Variants in DAAM1 observed in about 807,000 individuals in gnomAD.
The protein encoded by DAAM1 is disheveled-associated activator of morphogenesis 1.
In DAAM1, 52 loss-of-function variants were observed where a neutral mutation model predicts 130.0. That is an observed-to-expected ratio of 0.40 (90% CI 0.32 to 0.50). The LOEUF is 0.50. Ranked by LOEUF, DAAM1 falls within the 20% of genes least tolerant of loss-of-function variation. The pLI is 0.61. For missense variants in DAAM1, 1,134 were observed against 1,303.8 expected, an observed-to-expected ratio of 0.87 and a Z score of 2.01; for synonymous variants, 452 against 444.5, an observed-to-expected ratio of 1.02 and a Z score of -0.21.
chr14:59,280,611 C>T (rs1161542915), intron 2 of DAAM1, among the ~76,000 whole-genome samples: 3 of 115,492 alleles, frequency 2.6e-5, no homozygotes, highest in African/African-American at 1.0e-4. Flanking sequence ...ATGAATAGAA[C>T]AAATTGAGTT....
rs1043388344 is a variant in DAAM1 at position 59,352,507 on chromosome 14, A to G, written c.2161-19A>G. 8 of 1,588,192 alleles carry G rather than the reference A, an allele frequency of 5.0e-6. No individual in the cohort carries two copies. Among genetic ancestry groups the G allele is most frequent in the African/African-American group, 1.3e-5 (1 of 74,206 alleles). On this transcript the variant is annotated intron_variant, in intron 17 of 24. Transcript: ENST00000360909. ...TTAAGTGATAAACCTCAGTTTTAAT[A>G]TTCGTGTGTACTTTTCAGCTCTTGA...
chr14:59,202,127 C>T (rs944037573), intron 1 of DAAM1, among the ~76,000 whole-genome samples: 6 of 152,188 alleles, frequency 3.9e-5, no homozygotes, highest in African/African-American at 1.4e-4. Context: ...CTTTTCTTAG[C>T]CTTCCTTCTA....
intron 1 of DAAM1, 109 bp from the exon 2 acceptor site, chr14:59,263,332 G>A (rs919003738): frequency 1.4e-5 from 12 of 874,038 alleles, no homozygotes; most frequent in Admixed American, 4.8e-5. Flanking sequence ...CCTGCAGGGC[G>A]CACACAGTGT....
chr14:59,363,861 C>CG, intron 23 of DAAM1, 79 bp downstream of exon 23: 6 of 1,567,688 alleles, frequency 3.8e-6, no homozygotes, highest in Non-Finnish European at 4.3e-6. Flanking sequence ...TTATTCTGTA[C>CG]GGGAAATAGC....
At chr14:59,266,965 G>A (rs1315534851) in intron 2 of DAAM1, among the ~76,000 whole-genome samples, 1 of 152,226 alleles carries the variant, frequency 6.6e-6, no homozygotes, top group African/African-American at 2.4e-5. Flanking sequence ...GGTTGGTGTA[G>A]AGGTGAAAGA....
intron 1 of DAAM1, among the ~76,000 whole-genome samples, chr14:59,198,386 A>C (rs184716116): frequency 1.3e-5 from 2 of 151,808 alleles, no homozygotes; most frequent in Admixed American, 1.3e-4. Context: ...TTCTATTTTT[A>C]GTAGAGACAG....
chr14:59,220,756 T>TGTGC (rs1888744235), intron 1 of DAAM1, among the ~76,000 whole-genome samples: 1 of 152,096 alleles, frequency 6.6e-6, no homozygotes, highest in Non-Finnish European at 1.5e-5. Context: ...GCCAAAGACC[T>TGTGC]AAGAACTAGG....
chr14:59,331,606 C>A, intron 14 of DAAM1, 98 bp downstream of exon 14: 1 of 1,509,890 alleles, frequency 6.6e-7, no homozygotes, highest in Non-Finnish European at 8.8e-7. Context: ...TAAATGATTT[C>A]ATTTTCTAAT....
intron 3 of DAAM1, among the ~76,000 whole-genome samples, chr14:59,311,230 C>A (rs1210254618): frequency 6.6e-6 from 1 of 151,942 alleles, no homozygotes; most frequent in Non-Finnish European, 1.5e-5. Flanking sequence ...AAATCTTGTC[C>A]CAAATCAGAG....
intron 1 of DAAM1, among the ~76,000 whole-genome samples, chr14:59,217,763 G>A (rs1888633364): frequency 6.6e-6 from 1 of 152,016 alleles, no homozygotes; most frequent in Non-Finnish European, 1.5e-5. Flanking sequence ...ACAAGGTCAG[G>A]AGTTTGAGAC....
In DAAM1 at chr14:59,188,720, T is replaced by G. The variant is rs1205928333; in HGVS notation, c.-86T>G. The G allele has an allele frequency of 6.5e-6, 1 of 152,778 alleles. No homozygotes were observed. 9.5% of individuals were successfully genotyped at this position (152,778 alleles called of 1,614,324 possible). A position where few individuals can be genotyped will look rare whatever the true frequency, so the allele number is the denominator to read the frequency against. ...AAGGAAACTGTTTAACCGGATCCCA[T>G]TGTACCCAGAGTGCAGAGCCGCCTT... is the stretch of plus-strand genomic sequence containing the variant. On this transcript the variant is annotated 5_prime_UTR_variant, in exon 1 of 25. Coordinates refer to ENST00000360909, the MANE Select transcript of DAAM1 (RefSeq NM_001270520.2).
At chr14:59,308,899 T>C (rs1298201321) in intron 3 of DAAM1, among the ~76,000 whole-genome samples, 1 of 152,184 alleles carries the variant, frequency 6.6e-6, no homozygotes, top group Non-Finnish European at 1.5e-5. Context: ...GTAATCATTC[T>C]TTGTGTGGGC....
chr14:59,245,710 C>T (rs1302456200), intron 1 of DAAM1, among the ~76,000 whole-genome samples: 2 of 152,144 alleles, frequency 1.3e-5, no homozygotes, highest in Non-Finnish European at 2.9e-5. Flanking sequence ...AGAATTGTCT[C>T]TAGTGAATGG....
intron 1 of DAAM1, among the ~76,000 whole-genome samples, chr14:59,199,103 G>T (rs1310979856): frequency 6.6e-6 from 1 of 152,126 alleles, no homozygotes; most frequent in Non-Finnish European, 1.5e-5. Context: ...CCCCTGCCTT[G>T]GCATGGTGTC....
At chr14:59,335,088 G>C (rs1364972899) in intron 15 of DAAM1, among the ~76,000 whole-genome samples, 1 of 152,130 alleles carries the variant, frequency 6.6e-6, no homozygotes, top group Admixed American at 6.5e-5. Flanking sequence ...ACATGGCTTG[G>C]TGTGTATTTA....
chr14:59,313,360 T>C (rs771757646), intron 3 of DAAM1, among the ~76,000 whole-genome samples: 15 of 152,270 alleles, frequency 9.9e-5, no homozygotes, highest in Non-Finnish European at 2.9e-5. Context: ...CACTGAGGCA[T>C]GTGAAATGAA....
intron 19 of DAAM1, among the ~76,000 whole-genome samples, chr14:59,354,861 G>T (rs1304731052): frequency 1.3e-5 from 2 of 152,206 alleles, no homozygotes; most frequent in African/African-American, 2.4e-5. Flanking sequence ...TTGGAGATGG[G>T]ATTGCTATTC....
chr14:59,200,379 T>A (rs1888062259), intron 1 of DAAM1, among the ~76,000 whole-genome samples: 1 of 152,150 alleles, frequency 6.6e-6, no homozygotes, highest in Non-Finnish European at 1.5e-5. Context: ...ACCTTAAGCT[T>A]TAAACATGAC....
In DAAM1 at chr14:59,367,312, A is replaced by G. The variant is rs1279653640; in HGVS notation, c.2827-117A>G. 3 of 1,440,642 alleles carry G rather than the reference A, an allele frequency of 2.1e-6. No homozygotes were observed. In the African/African-American group the frequency reaches 4.3e-5, roughly 21 times the overall value. 89.2% of individuals were successfully genotyped at this position (1,440,642 alleles called of 1,614,324 possible). A position where few individuals can be genotyped will look rare whatever the true frequency, so the allele number is the denominator to read the frequency against. On this transcript the variant is annotated intron_variant, in intron 23 of 24. Coordinates refer to ENST00000360909, the MANE Select transcript of DAAM1 (RefSeq NM_001270520.2). Reference sequence around the variant, plus strand: ...AAAAGAAAGAAAGAAATAAAAATAAATGAGCAAACAAAACTTACGTTTGAC... The same window carrying G: ...AAAAGAAAGAAAGAAATAAAAATAAGTGAGCAAACAAAACTTACGTTTGAC...
Sources: allele counts gnomAD v4.1 joint callset (sites outside exome capture counted in the v4.1 genomes callset), GRCh38; gene constraint gnomAD v4.1.1; transcripts MANE v1.5; gene names NCBI Gene and HGNC (gene_info 2026-07-23, HGNC 2026-07-21).